The following HECW1 variants were observed in gnomAD, a reference collection of about 807,000 sequenced individuals.
HECW1 encodes HECT, C2 and WW domain containing E3 ubiquitin protein ligase 1.
HECW1 carries 61 observed loss-of-function variants against 182.3 expected under a neutral mutation model. That is an observed-to-expected ratio of 0.33 (90% CI 0.27 to 0.41). The LOEUF (loss-of-function observed/expected upper bound fraction) is 0.41. HECW1 is among the 10% of genes least tolerant of loss of function. HECW1 has a pLI of 1.00. For synonymous variants in HECW1, 859 were observed against 832.6 expected (o/e 1.03, Z -0.55); for missense variants, 1,739 against 2,108.9 (o/e 0.82, Z 3.44).
chr7:43,460,244 A>G (rs1005858597), intron 13 of HECW1, among the ~76,000 whole-genome samples: 1 of 152,224 alleles, frequency 6.6e-6, no homozygotes, highest in African/African-American at 2.4e-5. Context: ...TTGCGGTTCT[A>G]GGGGTTTATT....
chr7:43,149,629 ATTAAC>A (rs1384974405), intron 2 of HECW1, among the ~76,000 whole-genome samples: 1 of 152,238 alleles, frequency 6.6e-6, no homozygotes, highest in Non-Finnish European at 1.5e-5. Flanking sequence ...AAGATTAGAT[ATTAAC>A]TTAAGAGGAT....
At chr7:43,489,140 G>A (rs760529079) in intron 17 of HECW1, among the ~76,000 whole-genome samples, 1 of 152,162 alleles carries the variant, frequency 6.6e-6, no homozygotes, top group African/African-American at 2.4e-5. Context: ...TGTTTCCTGA[G>A]TCCAGTGCAC....
intron 9 of HECW1, 143 bp from the exon 10 acceptor site, chr7:43,442,386 T>C (rs2076916235): frequency 3.3e-6 from 2 of 613,278 alleles, no homozygotes; most frequent in African/African-American, 1.8e-5. Context: ...GATAAGGACT[T>C]CCTTACAGTT....
rs763695141 is a variant in HECW1 at position 43,114,352 on chromosome 7, G to C, written c.-71G>C. 8 of 1,357,578 alleles carry C rather than the reference G, an allele frequency of 5.9e-6. No homozygotes were observed. The South Asian group carries it at 9.8e-5, about 17-fold the overall frequency. 84.1% of individuals were successfully genotyped at this position (1,357,578 alleles called of 1,614,324 possible). ...TCTCAAAGCAGGTGGCCAGATCTGCGTTTCTCATCAGCAGACTCACTCCGG... is the reference window on the plus strand; with the variant it reads ...TCTCAAAGCAGGTGGCCAGATCTGCCTTTCTCATCAGCAGACTCACTCCGG... On this transcript the variant is annotated 5_prime_UTR_variant, in exon 2 of 30. Transcript: ENST00000395891.
intron 3 of HECW1, among the ~76,000 whole-genome samples, chr7:43,290,450 G>T (rs1022640216): frequency 7.9e-5 from 12 of 152,180 alleles, no homozygotes; most frequent in African/African-American, 2.7e-4. Flanking sequence ...CAAAGAGCCT[G>T]TTCTGTCTAT....
At chr7:43,403,726 G>A (rs2075506122) in intron 7 of HECW1, among the ~76,000 whole-genome samples, 2 of 152,116 alleles carry the variant, frequency 1.3e-5, no homozygotes, top group Admixed American at 6.5e-5. Flanking sequence ...CTTGGATGCA[G>A]TAATGAATAT....
At chr7:43,497,980 T>C (rs2079182414) in intron 19 of HECW1, among the ~76,000 whole-genome samples, 1 of 152,212 alleles carries the variant, frequency 6.6e-6, no homozygotes, top group Admixed American at 6.5e-5. Flanking sequence ...TCCTGAACTC[T>C]AGGGAAAGTG....
chr7:43,313,612 C>G (rs866995470), intron 4 of HECW1, among the ~76,000 whole-genome samples: 4 of 152,340 alleles, frequency 2.6e-5, no homozygotes, highest in Middle Eastern at 6.8e-3. Context: ...GCTGGGATTA[C>G]AGGTGTGAGC....
rs1043990038 is a variant in HECW1, at chr7:43,375,120, T to C, written c.555+14140T>C. Reference sequence around the variant, plus strand: ...CTAAAATTTCCTTCAGTTTCTTGCATTGAATTTACTCCAAAAGGAGCCAAG... The same window carrying C: ...CTAAAATTTCCTTCAGTTTCTTGCACTGAATTTACTCCAAAAGGAGCCAAG... On this transcript the variant is annotated intron_variant, in intron 6 of 29. Transcript: ENST00000395891. Among the ~76,000 whole-genome samples the C allele has an allele frequency of 4.6e-5, 7 of 152,210 alleles. No homozygotes were observed. In the East Asian group the frequency reaches 5.8e-4, roughly 13 times the overall value.
intron 5 of HECW1, among the ~76,000 whole-genome samples, chr7:43,339,741 G>A (rs1015705294): frequency 1.3e-5 from 2 of 152,104 alleles, no homozygotes; most frequent in Non-Finnish European, 2.9e-5. Flanking sequence ...TGTCCAATAA[G>A]AGGGGAGCTC....
At chr7:43,385,599 A>G (rs1289412749) in intron 6 of HECW1, among the ~76,000 whole-genome samples, 1 of 151,936 alleles carries the variant, frequency 6.6e-6, no homozygotes, top group East Asian at 2.0e-4. Context: ...CCATGAGTTC[A>G]TGTTGCCCTT....
intron 6 of HECW1, among the ~76,000 whole-genome samples, chr7:43,364,193 T>C (rs994417893): frequency 2.0e-5 from 3 of 152,198 alleles, no homozygotes; most frequent in African/African-American, 7.2e-5. Context: ...CACATGCTCC[T>C]TTGGTGTAAT....
At chr7:43,282,060 G>A (rs368760306) in intron 3 of HECW1, among the ~76,000 whole-genome samples, 20 of 152,232 alleles carry the variant, frequency 1.3e-4, no homozygotes, top group South Asian at 4.2e-4. Context: ...TATTAGTTGT[G>A]CAGCTATTTA....
rs373779591 is a variant in HECW1 at position 43,561,850 on chromosome 7, C to T, written c.4745C>T (p.Pro1582Leu). 3.7e-6 allele frequency: 6 copies of T among 1,613,944 alleles called. No individual in the cohort carries two copies. Among genetic ancestry groups the T allele is most frequent in the Non-Finnish European group, 5.1e-6 (6 of 1,179,834 alleles). Residue 1582 changes from proline to leucine, a missense_variant, in exon 30 of 30, where the codon CCG (proline) becomes CTG (leucine). By Grantham distance (98) the Pro-to-Leu change is moderately conservative. This residue lies in a region of HECW1 where 420 missense variants were observed against 595.7 expected (regional missense o/e 0.71). Coordinates refer to ENST00000395891, the MANE Select transcript of HECW1 (RefSeq NM_015052.5). ...TGCTTCAACCGACTGGATCTTCCAC[C>T]GTATCCCTCGTACTCCATGTTGTAT... ...HTCFNRLDLP[P>L]YPSYSMLYEK...
In HECW1 at chr7:43,406,792, C is replaced by T. The variant is rs188423352; in HGVS notation, c.632-770C>T. ...AATTCTCCAGGCATGGTGATAGGCA[C>T]TTGTAATCCCAGCTACTCGAGAGGC... On this transcript the variant is annotated intron_variant, in intron 7 of 29. Transcript: ENST00000395891. 1.6e-3 allele frequency among the ~76,000 whole-genome samples: 251 copies of T among 152,188 alleles called. 1 individual carries two copies. Among genetic ancestry groups the T allele is most frequent in the African/African-American group, 6.0e-3 (248 of 41,520 alleles).
intron 3 of HECW1, among the ~76,000 whole-genome samples, chr7:43,277,094 A>G (rs917604530): frequency 7.2e-5 from 11 of 152,094 alleles, no homozygotes; most frequent in African/African-American, 2.7e-4. Context: ...TTCTCTATCT[A>G]ATGTAAGAAC....
intron 8 of HECW1, among the ~76,000 whole-genome samples, chr7:43,433,137 C>T (rs1219545173): frequency 6.6e-6 from 1 of 152,204 alleles, no homozygotes; most frequent in East Asian, 1.9e-4. Context: ...GGTAGAGATT[C>T]ACTTCCATCT....
At chr7:43,140,308 C>T (rs941173969) in intron 2 of HECW1, among the ~76,000 whole-genome samples, 1 of 152,138 alleles carries the variant, frequency 6.6e-6, no homozygotes, top group South Asian at 2.1e-4. Context: ...TTAGTGGACT[C>T]ACAGGACTAG....
At chr7:43,266,631 G>C (rs949715809) in intron 3 of HECW1, among the ~76,000 whole-genome samples, 2 of 152,184 alleles carry the variant, frequency 1.3e-5, no homozygotes, top group African/African-American at 4.8e-5. Context: ...ACCGTGCCCG[G>C]CCTCAGGAAA....
Sources: gnomAD v4.1 joint callset for allele counts (sites outside exome capture counted in the v4.1 genomes callset) on GRCh38, gnomAD v4.1.1 for gene constraint, gnomAD v4.1.1 regional missense constraint, MANE v1.5 for transcripts, NCBI Gene and HGNC (gene_info 2026-07-23, HGNC 2026-07-21) for gene names.